JAK2: variants seen among roughly 807,000 people sequenced by gnomAD.
JAK2 encodes tyrosine-protein kinase JAK2.
In JAK2, 86 loss-of-function variants were observed where a neutral mutation model predicts 139.3. The observed-to-expected ratio is 0.62, with a 90% CI of 0.52 to 0.74. The LOEUF is 0.74. JAK2 is among the 30% of genes least tolerant of loss of function. JAK2 has a pLI of 0.00. For synonymous variants in JAK2, 490 were observed against 437.7 expected (o/e 1.12, Z -1.49); for missense variants, 1,421 against 1,360.3 (o/e 1.04, Z -0.70).
At chr9:5,000,965 C>G (rs1820893903) in intron 2 of JAK2, among the ~76,000 whole-genome samples, 1 of 151,996 alleles carries the variant, frequency 6.6e-6, no homozygotes, top group Non-Finnish European at 1.5e-5. Context: ...AGCAAATTCC[C>G]AAGATAGCAA....
chr9:5,042,719 C>T (rs1249100441), intron 4 of JAK2, among the ~76,000 whole-genome samples: 2 of 152,200 alleles, frequency 1.3e-5, no homozygotes, highest in African/African-American at 4.8e-5. Context: ...CCATCTTGCC[C>T]AGGCCCACCT....
At chr9:5,040,257 C>T (rs1816382961) in intron 4 of JAK2, among the ~76,000 whole-genome samples, 1 of 151,322 alleles carries the variant, frequency 6.6e-6, no homozygotes, top group Non-Finnish European at 1.5e-5. Flanking sequence ...CACATGTAAA[C>T]TAATGAAGTA....
chr9:5,002,520 A>T (rs551401018), intron 2 of JAK2, among the ~76,000 whole-genome samples: 1 of 152,056 alleles, frequency 6.6e-6, no homozygotes, highest in East Asian at 1.9e-4. Context: ...GTCTTTTCAA[A>T]TGTTTGAGAA....
At chr9:5,045,695 C>T (rs7046511) in intron 5 of JAK2, among the ~76,000 whole-genome samples, 51,318 of 152,026 alleles carry the variant, frequency 0.34, 9,232 homozygotes, top group African/African-American at 0.47. Flanking sequence ...TGGCTTATTT[C>T]ACTTAGCATA....
At chr9:5,041,163 A>C in intron 4 of JAK2, 2 of 1,196,828 alleles carry the variant, frequency 1.7e-6, no homozygotes, top group Non-Finnish European at 2.4e-6. Context: ...CGCATGGATT[A>C]TGTGCACACC....
At chr9:5,111,760 C>G (rs1418537794) in intron 22 of JAK2, 1 of 422,026 alleles carries the variant, frequency 2.4e-6, no homozygotes, top group Non-Finnish European at 4.7e-6. Context: ...GAGAAGTGAA[C>G]GGTGGGCTTC....
At chr9:5,113,912 G>T (rs567384624) in intron 22 of JAK2, 68 of 229,052 alleles carry the variant, frequency 3.0e-4, no homozygotes, top group African/African-American at 1.5e-3. Context: ...GATGGCAGTG[G>T]ACACTTACCC....
At chr9:5,069,840 G>T (rs1818828735) in intron 11 of JAK2, 85 bp from the exon 12 acceptor site, 4 of 815,800 alleles carry the variant, frequency 4.9e-6, no homozygotes, top group South Asian at 2.8e-5. Flanking sequence ...CTTATACGTA[G>T]AACACATTTC....
intron 2 of JAK2, among the ~76,000 whole-genome samples, chr9:5,007,085 C>A (rs1048930790): frequency 6.6e-6 from 1 of 151,902 alleles, no homozygotes; most frequent in African/African-American, 2.4e-5. Context: ...CAACGTTTTA[C>A]TTTGCTTTTC....
chr9:5,128,843 A>C lies in JAK2; in HGVS notation c.*2052A>C, dbSNP rs1824169780. Among the ~76,000 whole-genome samples, 4 of 152,048 alleles carry C rather than the reference A, an allele frequency of 2.6e-5. No homozygotes were observed. The South Asian group carries it at 8.3e-4, about 31-fold the overall frequency. ...AGGTAAGTAATTATTGTACCAGTTA[A>C]TGCCAAAATATTTTTCACGTTAATA... On this transcript the variant is annotated 3_prime_UTR_variant, in exon 25 of 25. Coordinates refer to ENST00000381652, the MANE Select transcript of JAK2 (RefSeq NM_004972.4).
chr9:5,112,336 T>C lies in JAK2; in HGVS notation c.3060-10668T>C, dbSNP rs1196630647. On this transcript the variant is annotated intron_variant, in intron 22 of 24. Coordinates refer to ENST00000381652, the MANE Select transcript of JAK2 (RefSeq NM_004972.4). The stretch of plus-strand genomic sequence containing the variant: ...AGCCAGGCGCCCTCCCCGACCTCTC[T>C]TGGCCTTCCGACTCCTGCAGTGGGC... 3 of 322,806 alleles carry C rather than the reference T, an allele frequency of 9.3e-6. No individual in the cohort carries two copies. In the East Asian group the frequency reaches 2.2e-4, roughly 24 times the overall value. 20.0% of individuals were successfully genotyped at this position (322,806 alleles called of 1,614,324 possible). A position where few individuals can be genotyped will look rare whatever the true frequency, so the allele number is the denominator to read the frequency against.
chr9:4,994,872 T>C (rs1324519842), intron 2 of JAK2, among the ~76,000 whole-genome samples: 1 of 152,232 alleles, frequency 6.6e-6, no homozygotes. Flanking sequence ...AAAAAAATTA[T>C]CTATTTTTTG....
intron 22 of JAK2, among the ~76,000 whole-genome samples, chr9:5,122,402 T>G (rs1823685777): frequency 6.6e-6 from 1 of 152,126 alleles, no homozygotes; most frequent in Non-Finnish European, 1.5e-5. Context: ...CTTTAAGTCT[T>G]GCCTTGGAAC....
chr9:5,073,060 C>T (rs545989797), intron 13 of JAK2, among the ~76,000 whole-genome samples: 35 of 152,278 alleles, frequency 2.3e-4, no homozygotes, highest in African/African-American at 6.5e-4. Context: ...TGGCAGACCC[C>T]GTGGCCAGTT....
chr9:5,052,928 G>A (rs1817520870), intron 6 of JAK2, among the ~76,000 whole-genome samples: 1 of 151,922 alleles, frequency 6.6e-6, no homozygotes, highest in African/African-American at 2.4e-5. Flanking sequence ...CCATGTTTTG[G>A]CTATTGTGAC....
intron 22 of JAK2, among the ~76,000 whole-genome samples, chr9:5,115,493 G>T (rs930468107): frequency 6.6e-6 from 1 of 152,198 alleles, no homozygotes; most frequent in South Asian, 2.1e-4. Context: ...CATTGTGGAA[G>T]ACAGTGTGGC....
chr9:5,088,682 T>G (rs1317827094), intron 19 of JAK2, among the ~76,000 whole-genome samples: 1 of 152,240 alleles, frequency 6.6e-6, no homozygotes, highest in Non-Finnish European at 1.5e-5. Context: ...GCCTGGAAAG[T>G]CTGAGATCAA....
chr9:5,101,648 G>C (rs1357744140), intron 22 of JAK2, among the ~76,000 whole-genome samples: 1 of 152,208 alleles, frequency 6.6e-6, no homozygotes, highest in African/African-American at 2.4e-5. Flanking sequence ...ACCTCATACA[G>C]GTGGGTGCCT....
chr9:5,068,896 C>T (rs1818752450), intron 10 of JAK2, 126 bp from the exon 11 acceptor site: 2 of 575,062 alleles, frequency 3.5e-6, no homozygotes, highest in East Asian at 2.9e-5. Flanking sequence ...TATACTGGCA[C>T]TACATCGGAT....
Sources: allele counts gnomAD v4.1 joint callset (sites outside exome capture counted in the v4.1 genomes callset), GRCh38; gene constraint gnomAD v4.1.1; transcripts MANE v1.5; gene names NCBI Gene and HGNC (gene_info 2026-07-23, HGNC 2026-07-21).